Variants in ZFAND3 observed in about 807,000 individuals in gnomAD.
ZFAND3 encodes the protein AN1-type zinc finger protein 3.
A neutral mutation model predicts 29.6 loss-of-function variants in ZFAND3; 10 were observed. The ratio of observed to expected loss-of-function variants is 0.34; its 90% CI spans 0.21 to 0.57. ZFAND3 has a LOEUF of 0.57. ZFAND3 is among the 20% of genes least tolerant of loss of function. The pLI, the probability that ZFAND3 is intolerant of heterozygous loss-of-function variation, is 0.86. For synonymous variants in ZFAND3, 128 were observed against 112.6 expected (o/e 1.14, Z -0.87); for missense variants, 230 against 304.5 (o/e 0.76, Z 1.82).
At chr6:38,148,654 G>A (rs938675344) in intron 5 of ZFAND3, among the ~76,000 whole-genome samples, 1 of 152,154 alleles carries the variant, frequency 6.6e-6, no homozygotes, top group African/African-American at 2.4e-5. Flanking sequence ...CATGACACTT[G>A]TAGTGGTTTC....
At chr6:37,845,157 T>G (rs945473664) in intron 1 of ZFAND3, among the ~76,000 whole-genome samples, 11 of 152,132 alleles carry the variant, frequency 7.2e-5, no homozygotes, top group African/African-American at 1.7e-4. Flanking sequence ...GAAGGAGAAC[T>G]GGACTCCATT....
intron 1 of ZFAND3, among the ~76,000 whole-genome samples, chr6:37,856,932 T>C (rs1203948787): frequency 1.4e-5 from 2 of 147,662 alleles, no homozygotes; most frequent in Non-Finnish European, 3.0e-5. Flanking sequence ...TAATATTATT[T>C]ATTGTTTAAC....
At chr6:38,096,323 C>T (rs1380217326) in intron 4 of ZFAND3, among the ~76,000 whole-genome samples, 1 of 152,098 alleles carries the variant, frequency 6.6e-6, no homozygotes, top group Non-Finnish European at 1.5e-5. Flanking sequence ...CAGGCACCTG[C>T]CACCACATCG....
intron 3 of ZFAND3, among the ~76,000 whole-genome samples, chr6:38,069,219 A>G (rs1764405637): frequency 6.6e-6 from 1 of 152,206 alleles, no homozygotes; most frequent in Admixed American, 6.5e-5. Flanking sequence ...ATTGGGCAAA[A>G]CAGGCTGGTT....
At chr6:38,079,572 T>C (rs62396981) in intron 3 of ZFAND3, among the ~76,000 whole-genome samples, 7 of 152,218 alleles carry the variant, frequency 4.6e-5, no homozygotes, top group Non-Finnish European at 8.8e-5. Flanking sequence ...CAGATTTCTT[T>C]AGGGATTTTG....
intron 1 of ZFAND3, among the ~76,000 whole-genome samples, chr6:37,860,091 G>A (rs1040830242): frequency 4.1e-5 from 6 of 145,476 alleles, no homozygotes; most frequent in South Asian, 2.1e-4. Context: ...ACCAGGTCTC[G>A]AACTCCTGAC....
intron 1 of ZFAND3, among the ~76,000 whole-genome samples, chr6:37,844,520 A>G (rs1318279768): frequency 6.6e-6 from 1 of 151,610 alleles, no homozygotes; most frequent in Non-Finnish European, 1.5e-5. Context: ...TGACCTCATG[A>G]TCTGCCCGCC....
At chr6:37,900,234 T>C (rs371564457) in intron 1 of ZFAND3, among the ~76,000 whole-genome samples, 2 of 152,338 alleles carry the variant, frequency 1.3e-5, no homozygotes, top group East Asian at 3.8e-4. Flanking sequence ...TGGGAATTTC[T>C]TCCCATATTA....
intron 5 of ZFAND3, among the ~76,000 whole-genome samples, chr6:38,124,672 G>A (rs916836855): frequency 4.6e-5 from 7 of 152,134 alleles, no homozygotes; most frequent in Non-Finnish European, 5.9e-5. Flanking sequence ...AGCGCCGCGC[G>A]CAGCCCAGGT....
intron 5 of ZFAND3, 87 bp downstream of exon 5, chr6:38,116,826 G>A (rs986932166): frequency 1.5e-5 from 22 of 1,508,912 alleles, no homozygotes; most frequent in South Asian, 7.9e-5. Context: ...GAAGTCTTTC[G>A]TTCTTCTTCT....
chr6:37,883,450 G>GTTGCTGTTGCATAGAGA (rs1159476118), intron 1 of ZFAND3, among the ~76,000 whole-genome samples: 1 of 147,098 alleles, frequency 6.8e-6, no homozygotes, highest in Non-Finnish European at 1.5e-5. Flanking sequence ...AAAGTACCCA[G>GTTGCTGTTGCATAGAGA]ACTACAAATG....
rs188202432 is a variant in ZFAND3 at position 38,067,993 on chromosome 6, A to C, written c.295+6218A>C. Among the ~76,000 whole-genome samples the C allele has an allele frequency of 5.9e-5, 9 of 152,310 alleles. No homozygotes were observed. In the East Asian group the frequency reaches 1.4e-3, roughly 23 times the overall value. On this transcript the variant is annotated intron_variant, in intron 3 of 5. Transcript: ENST00000287218. ...TCTAGGCAGGAGAGGAAGAGAACTG[A>C]TACCTGCTGCTAGGGAGGATTAATG...
chr6:38,145,463 T>A (rs1473361172), intron 5 of ZFAND3, among the ~76,000 whole-genome samples: 1 of 152,192 alleles, frequency 6.6e-6, no homozygotes, highest in Non-Finnish European at 1.5e-5. Flanking sequence ...TGCAGATTGT[T>A]CTCAGTCATG....
chr6:37,966,771 A>G (rs1295747162), intron 2 of ZFAND3, among the ~76,000 whole-genome samples: 1 of 152,218 alleles, frequency 6.6e-6, no homozygotes, highest in Non-Finnish European at 1.5e-5. Flanking sequence ...GATTGTTACC[A>G]TCTAATCCTC....
intron 2 of ZFAND3, among the ~76,000 whole-genome samples, chr6:38,015,364 G>A (rs966858297): frequency 7.9e-5 from 12 of 152,196 alleles, no homozygotes; most frequent in Non-Finnish European, 1.8e-4. Context: ...TCTGCTATTG[G>A]TGGGTGTAAG....
At chr6:38,036,666 T>TA (rs1260476317) in intron 2 of ZFAND3, among the ~76,000 whole-genome samples, 1 of 152,142 alleles carries the variant, frequency 6.6e-6, no homozygotes, top group East Asian at 1.9e-4. Flanking sequence ...AATAAAGAGA[T>TA]TATACAAATA....
At chr6:37,835,115 G>A (rs1212265619) in intron 1 of ZFAND3, among the ~76,000 whole-genome samples, 3 of 152,090 alleles carry the variant, frequency 2.0e-5, no homozygotes, top group Admixed American at 6.5e-5. Context: ...TTTTGCTTAC[G>A]TTTCTATTAG....
intron 2 of ZFAND3, among the ~76,000 whole-genome samples, chr6:38,053,013 G>A (rs1475267444): frequency 6.1e-5 from 9 of 146,672 alleles, no homozygotes; most frequent in African/African-American, 7.6e-5. Flanking sequence ...TAGCCTGGGC[G>A]ACAGCGCAAG....
At chr6:37,894,080 C>T (rs1765153329) in intron 1 of ZFAND3, among the ~76,000 whole-genome samples, 1 of 151,948 alleles carries the variant, frequency 6.6e-6, no homozygotes, top group Non-Finnish European at 1.5e-5. Flanking sequence ...CATGGTGAAA[C>T]CTCATTTCTA....
Sources: gnomAD v4.1 joint callset for allele counts (sites outside exome capture counted in the v4.1 genomes callset) on GRCh38, gnomAD v4.1.1 for gene constraint, MANE v1.5 for transcripts, NCBI Gene and HGNC (gene_info 2026-07-23, HGNC 2026-07-21) for gene names.